BBS4: variants seen among roughly 807,000 people sequenced by gnomAD.
BBS4 encodes Bardet-Biedl syndrome 4.
In BBS4, 58 loss-of-function variants were observed where a neutral mutation model predicts 71.4. That is an observed-to-expected ratio of 0.81 (90% confidence interval 0.66 to 1.01). BBS4 has a LOEUF of 1.01. Among genes scored for constraint, BBS4 ranks in the 50% least tolerant of loss-of-function variants. BBS4 has a pLI of 0.00. For missense variants in BBS4, 660 were observed against 607.9 expected (o/e 1.09, Z -0.90); for synonymous variants, 228 against 216.8 (o/e 1.05, Z -0.46).
At chr15:72,702,630 G>T (rs1038625933) in intron 2 of BBS4, among the ~76,000 whole-genome samples, 3 of 151,854 alleles carry the variant, frequency 2.0e-5, no homozygotes, top group African/African-American at 4.8e-5. Flanking sequence ...TTATAGGCCA[G>T]CTTCTAGCAT....
intron 9 of BBS4, among the ~76,000 whole-genome samples, chr15:72,729,062 T>C (rs2065755274): frequency 6.6e-6 from 1 of 152,040 alleles, no homozygotes; most frequent in African/African-American, 2.4e-5. Context: ...ATCAAATAGA[T>C]ACTTTGACCT....
intron 7 of BBS4, among the ~76,000 whole-genome samples, chr15:72,723,753 A>G (rs1005052003): frequency 1.3e-5 from 2 of 152,202 alleles, no homozygotes; most frequent in Non-Finnish European, 2.9e-5. Flanking sequence ...TTGTAGATGG[A>G]TCTATAGTTT....
At chr15:72,735,304 A>T (rs932607660) in intron 13 of BBS4, 122 bp downstream of exon 13, 9 of 754,096 alleles carry the variant, frequency 1.2e-5, no homozygotes, top group Admixed American at 4.0e-5. Flanking sequence ...GCATTAGTAC[A>T]TAGCAGACCT....
At chr15:72,728,078 A>G in intron 9 of BBS4, 84 bp downstream of exon 9, 2 of 949,584 alleles carry the variant, frequency 2.1e-6, no homozygotes, top group South Asian at 1.3e-5. Context: ...CTGCATTCTG[A>G]TATTTATTTT....
At position 72,722,841 on chromosome 15, in the gene BBS4, C is replaced by T; in HGVS notation, c.453C>T (p.Phe151=). ...LGVCYIYLKQ[F]NKAQDQLHNA... ...TTTGCTACATATACCTGAAGCAGTT[C>T]AACAAGGTAATTTATAGAAGTGGTG... The change falls in exon 7 of 16, where the codon TTC becomes TTT. Residue 151 remains phenylalanine (F), a synonymous_variant. Transcript: ENST00000268057. The T allele has an allele frequency of 6.2e-7, 1 of 1,613,206 alleles. No homozygotes were observed. The highest frequency in any genetic ancestry group is 1.7e-4 in the Middle Eastern group (1 of 6,058).
rs1210370695 is a variant in BBS4 at position 72,713,347 on chromosome 15, A to ACACACACG, written c.220+1043_220+1044insACACGCAC. 2.9e-3 allele frequency among the ~76,000 whole-genome samples: 350 copies of ACACACACG among 118,728 alleles called. 1 individual carries two copies. The East Asian group carries it at 0.071, about 24-fold the overall frequency. The allele number at this position is 118,728 out of a possible 152,430, so 77.9% of individuals were successfully genotyped here. ...CACACACACACACACACACACACAC[A>ACACACACG]CACGCACACGCACGCACGCACTGGT... On this transcript the variant is annotated intron_variant, in intron 4 of 15. Transcript: ENST00000268057.
At chr15:72,716,177 C>T (rs1245576933) in intron 5 of BBS4, among the ~76,000 whole-genome samples, 3 of 152,168 alleles carry the variant, frequency 2.0e-5, no homozygotes, top group Admixed American at 2.0e-4. Context: ...AGTTGAGGAG[C>T]ATCTCTATTT....
intron 1 of BBS4, among the ~76,000 whole-genome samples, chr15:72,688,695 C>A (rs950341133): frequency 6.6e-6 from 1 of 151,844 alleles, no homozygotes; most frequent in East Asian, 1.9e-4. Context: ...GAGCCATGGC[C>A]CCCTGCCTTA....
intron 8 of BBS4, 143 bp downstream of exon 8, chr15:72,724,798 C>T (rs1183829678): frequency 9.4e-7 from 1 of 1,068,398 alleles, no homozygotes; most frequent in Admixed American, 2.1e-5. Flanking sequence ...TAAGAGCTCC[C>T]AGTAGCTTCA....
At chr15:72,686,279 C>T (rs2150983712) in intron 1 of BBS4, 28 bp downstream of exon 1, 1 of 1,560,376 alleles carries the variant, frequency 6.4e-7, no homozygotes, top group Admixed American at 1.9e-5. Flanking sequence ...CTTTAGTTGC[C>T]CGGCCGCAGG....
chr15:72,716,950 G>A, intron 6 of BBS4, 100 bp downstream of exon 6: 2 of 881,066 alleles, frequency 2.3e-6, no homozygotes, highest in Non-Finnish European at 3.7e-6. Context: ...TTCCAAAAAT[G>A]TCTTGATTTT....
chr15:72,729,610 T>C lies in BBS4; in HGVS notation c.643-6T>C, dbSNP rs753675755. Reference sequence around the variant, plus strand: ...TGTAAATTGTCTTGTTTGCTTTTTTTCCAAGCTCGGCATTTACCAGAAGGC... The same window carrying C: ...TGTAAATTGTCTTGTTTGCTTTTTTCCCAAGCTCGGCATTTACCAGAAGGC... On this transcript the variant is annotated splice_region_variant and splice_polypyrimidine_tract_variant and intron_variant, in intron 9 of 15. Transcript: ENST00000268057. 78 of 1,613,886 alleles carry C rather than the reference T, an allele frequency of 4.8e-5. No individual in the cohort carries two copies. The highest frequency in any genetic ancestry group is 6.1e-5 in the Non-Finnish European group (72 of 1,179,926).
chr15:72,691,098 C>T (rs2064975218), intron 1 of BBS4, among the ~76,000 whole-genome samples: 1 of 152,122 alleles, frequency 6.6e-6, no homozygotes, highest in Non-Finnish European at 1.5e-5. Context: ...GATCCTTCCA[C>T]CTCAACCTCC....
chr15:72,686,467 T>C (rs964380627), intron 1 of BBS4: 40 of 1,530,486 alleles, frequency 2.6e-5, no homozygotes, highest in Non-Finnish European at 1.6e-5. Context: ...TCTAGGACTG[T>C]AGTCCCTCTT....
At chr15:72,701,772 T>C (rs1052174720) in intron 2 of BBS4, among the ~76,000 whole-genome samples, 7 of 152,176 alleles carry the variant, frequency 4.6e-5, no homozygotes, top group African/African-American at 7.2e-5. Flanking sequence ...TAAAAATCAT[T>C]TGAAAGTCTT....
At chr15:72,691,833 C>T (rs1049495466) in intron 1 of BBS4, among the ~76,000 whole-genome samples, 1 of 152,024 alleles carries the variant, frequency 6.6e-6, no homozygotes, top group Non-Finnish European at 1.5e-5. Flanking sequence ...TGCGGTGCTG[C>T]GCGCCTGTAG....
At chr15:72,736,521 C>T (rs545757863) in intron 14 of BBS4, among the ~76,000 whole-genome samples, 2 of 152,270 alleles carry the variant, frequency 1.3e-5, no homozygotes, top group East Asian at 1.9e-4. Flanking sequence ...AGGAAATGCA[C>T]TGTTTGGCCC....
intron 15 of BBS4, chr15:72,737,182 G>C (rs1412959593): frequency 1.6e-6 from 1 of 642,252 alleles, no homozygotes; most frequent in Non-Finnish European, 2.7e-6. Flanking sequence ...TTAGTTGGAT[G>C]GTCTATACAC....
At chr15:72,690,543 T>C (rs1478767576) in intron 1 of BBS4, among the ~76,000 whole-genome samples, 1 of 152,202 alleles carries the variant, frequency 6.6e-6, no homozygotes, top group Non-Finnish European at 1.5e-5. Context: ...GAAATTCTAG[T>C]TAGATTTTAA....
Sources: allele counts gnomAD v4.1 joint callset (sites outside exome capture counted in the v4.1 genomes callset), GRCh38; gene constraint gnomAD v4.1.1; transcripts MANE v1.5; gene names NCBI Gene and HGNC (gene_info 2026-07-23, HGNC 2026-07-21).